Variants in TVP23C observed in about 807,000 individuals in gnomAD.
The protein encoded by TVP23C is trans-golgi network vesicle protein 23 homolog C, also known as Golgi apparatus membrane protein TVP23 homolog C.
In TVP23C, 19 loss-of-function variants were observed where a neutral mutation model predicts 28.7. The ratio of observed to expected loss-of-function variants is 0.66; its 90% CI spans 0.46 to 0.97. TVP23C has a LOEUF of 0.97. Among genes scored for constraint, TVP23C ranks in the 50% least tolerant of loss-of-function variants. The pLI is 0.00. For synonymous variants in TVP23C, 68 were observed against 81.7 expected (o/e 0.83, Z 0.90); for missense variants, 186 against 241.3 (o/e 0.77, Z 1.52).
chr17:15,533,419 T>C (rs1015137727), downstream of TVP23C, among the ~76,000 whole-genome samples: 17 of 152,252 alleles, frequency 1.1e-4, no homozygotes, highest in African/African-American at 3.9e-4. Flanking sequence ...CCACTAGTGA[T>C]AGTTTTTAAA....
In TVP23C at chr17:15,509,132, C is replaced by T. The variant is rs369558629; in HGVS notation, c.463-5900G>A. ...TGGCGGCCAAAGTCCTGGCCCACAGCGCCTGTCTGTCATTCTCTGATCTGG... is the reference window on the plus strand; with the variant it reads ...TGGCGGCCAAAGTCCTGGCCCACAGTGCCTGTCTGTCATTCTCTGATCTGG... On this transcript the variant is annotated intron_variant, in intron 5 of 5. Transcript: ENST00000225576. 1.4e-4 allele frequency among the ~76,000 whole-genome samples: 22 copies of T among 152,346 alleles called. No homozygotes were observed. The East Asian group carries it at 2.1e-3, about 15-fold the overall frequency.
chr17:15,518,310 T>C (rs12709321), intron 5 of TVP23C, among the ~76,000 whole-genome samples: 115,800 of 152,028 alleles, frequency 0.76, 44,885 homozygotes, highest in Middle Eastern at 0.89. Flanking sequence ...TGTCCCAAAC[T>C]CTACCCTATA....
rs1361594437 is a variant in TVP23C, at chr17:15,558,303, C to T, written c.13-2939G>A. Among the ~76,000 whole-genome samples the T allele has an allele frequency of 3.5e-5, 5 of 142,596 alleles. 1 individual carries two copies. Among genetic ancestry groups the T allele is most frequent in the Non-Finnish European group, 7.8e-5 (5 of 64,040 alleles). The allele number at this position is 142,596 out of a possible 152,430, so 93.5% of individuals were successfully genotyped here. The stretch of plus-strand genomic sequence containing the variant: ...GCACTATGACTGAAAAACAGACTCC[C>T]TATCATGACCTATCATGATCTGGTC... On this transcript the variant is annotated intron_variant, in intron 1 of 5. Transcript: ENST00000518321.
At position 15,538,415 on chromosome 17, in the gene TVP23C, C is replaced by G; in HGVS notation, c.*1997G>C. 1.3e-6 allele frequency: 1 copy of G among 759,920 alleles called. No individual in the cohort carries two copies. The highest frequency in any genetic ancestry group is 1.6e-6 in the Non-Finnish European group (1 of 624,806). 47.1% of individuals were successfully genotyped at this position (759,920 alleles called of 1,614,324 possible). ...ACCCTCCTGGCTAACACAGTGAAACCCCGTCTCTACTAAAAATACAAAAAA... is the reference window on the plus strand; with the variant it reads ...ACCCTCCTGGCTAACACAGTGAAACGCCGTCTCTACTAAAAATACAAAAAA... On this transcript the variant is annotated 3_prime_UTR_variant, in exon 6 of 6. Transcript: ENST00000518321.
chr17:15,563,181 C>T (rs1170314966), intron 1 of TVP23C: 8 of 567,428 alleles, frequency 1.4e-5, no homozygotes, highest in South Asian at 5.6e-5. Context: ...GACCCCCACT[C>T]GCGCTGGTTA....
At chr17:15,561,272 G>A (rs965462829) in intron 1 of TVP23C, among the ~76,000 whole-genome samples, 2 of 152,154 alleles carry the variant, frequency 1.3e-5, no homozygotes, top group Non-Finnish European at 1.5e-5. Context: ...AGCACTAAGG[G>A]CTCGACTGAG....
intron 5 of TVP23C, among the ~76,000 whole-genome samples, chr17:15,521,565 T>A (rs1253668741): frequency 2.0e-5 from 3 of 152,166 alleles, no homozygotes; most frequent in Non-Finnish European, 2.9e-5. Context: ...GGTATAGGGA[T>A]ATTCAAATAG....
At chr17:15,523,540 C>G (rs1174123197) in intron 5 of TVP23C, among the ~76,000 whole-genome samples, 2 of 151,340 alleles carry the variant, frequency 1.3e-5, no homozygotes, top group Admixed American at 6.6e-5. Flanking sequence ...AACTCTTGAC[C>G]TCAGGTGATC....
chr17:15,514,001 C>T (rs1348626279), intron 5 of TVP23C, among the ~76,000 whole-genome samples: 1 of 152,206 alleles, frequency 6.6e-6, no homozygotes, highest in Non-Finnish European at 1.5e-5. Context: ...GGGCCTGTCA[C>T]TAACCAGAAA....
chr17:15,525,396 T>C (rs1459722307), intron 5 of TVP23C, among the ~76,000 whole-genome samples: 1 of 152,236 alleles, frequency 6.6e-6, no homozygotes, highest in African/African-American at 2.4e-5. Flanking sequence ...TTGTTTGCTT[T>C]GAAGCTATTT....
intron 5 of TVP23C, among the ~76,000 whole-genome samples, chr17:15,511,529 A>G (rs1252922038): frequency 3.3e-5 from 5 of 152,220 alleles, no homozygotes; most frequent in Non-Finnish European, 7.3e-5. Flanking sequence ...TTAAAGTACT[A>G]GTAGAGTTTC....
chr17:15,548,633 T>C (rs1983751130), intron 3 of TVP23C, among the ~76,000 whole-genome samples: 1 of 152,246 alleles, frequency 6.6e-6, no homozygotes, highest in Non-Finnish European at 1.5e-5. Context: ...TATCTTAACA[T>C]ATTGTTTATG....
At chr17:15,526,588 A>G (rs1396797632) in intron 5 of TVP23C, among the ~76,000 whole-genome samples, 2 of 152,208 alleles carry the variant, frequency 1.3e-5, no homozygotes, top group African/African-American at 2.4e-5. Flanking sequence ...CTAATTTCAC[A>G]ATAAGATGCA....
chr17:15,551,308 A>G (rs1300338599), intron 3 of TVP23C, among the ~76,000 whole-genome samples: 1 of 136,754 alleles, frequency 7.3e-6, no homozygotes, highest in East Asian at 2.1e-4. Flanking sequence ...GGGTTTCACC[A>G]TGTTAGCCAG....
chr17:15,519,036 G>A (rs906602144), intron 5 of TVP23C, among the ~76,000 whole-genome samples: 1 of 152,012 alleles, frequency 6.6e-6, no homozygotes, highest in African/African-American at 2.4e-5. Context: ...CATGTTAAAT[G>A]TGCCTTGCTT....
chr17:15,524,761 T>C (rs1167079681), intron 5 of TVP23C, among the ~76,000 whole-genome samples: 2 of 152,160 alleles, frequency 1.3e-5, no homozygotes, highest in African/African-American at 4.8e-5. Context: ...AACACTCTTA[T>C]CTAACCCTGG....
In TVP23C at chr17:15,538,832, G is replaced by C. The variant is rs1203851268; in HGVS notation, c.*1580C>G. ...AAACCTAATAAGCACATACATGAAAGTTACCCTAAGGTGGACCACAGTAAA... is the reference window on the plus strand; with the variant it reads ...AAACCTAATAAGCACATACATGAAACTTACCCTAAGGTGGACCACAGTAAA... On this transcript the variant is annotated 3_prime_UTR_variant, in exon 6 of 6. Coordinates refer to ENST00000518321, the MANE Select transcript of TVP23C (RefSeq NM_001135036.2). 1.0e-6 allele frequency: 1 copy of C among 985,660 alleles called. No individual in the cohort carries two copies. The highest frequency in any genetic ancestry group is 6.2e-5 in the Admixed American group (1 of 16,248). The allele number at this position is 985,660 out of a possible 1,614,324, so 61.1% of individuals were successfully genotyped here. A position where few individuals can be genotyped will look rare whatever the true frequency, so the allele number is the denominator to read the frequency against.
chr17:15,502,759 T>C (rs1251615366), exon 6 of TVP23C: 7 of 1,399,762 alleles, frequency 5.0e-6, no homozygotes, highest in Non-Finnish European at 5.6e-6. Context: ...CGTCTCTTTC[T>C]CTCCTTCTCC....
In TVP23C at chr17:15,546,630, A is replaced by T. The variant is rs200916102; in HGVS notation, c.330+429T>A. The stretch of plus-strand genomic sequence containing the variant: ...CAGAAGCTTAGGAATAGAGTGCTCC[A>T]ATCAGATATTCTATCCAGCTGCACT... On this transcript the variant is annotated intron_variant, in intron 4 of 5. Coordinates refer to ENST00000518321, the MANE Select transcript of TVP23C (RefSeq NM_001135036.2). 2.8e-5 allele frequency among the ~76,000 whole-genome samples: 4 copies of T among 141,028 alleles called. No homozygotes were observed. In the Admixed American group the frequency reaches 2.9e-4, roughly 10 times the overall value. The allele number at this position is 141,028 out of a possible 152,430, so 92.5% of individuals were successfully genotyped here. A position where few individuals can be genotyped will look rare whatever the true frequency, so the allele number is the denominator to read the frequency against.
Sources: gnomAD v4.1 joint callset for allele counts (sites outside exome capture counted in the v4.1 genomes callset) on GRCh38, gnomAD v4.1.1 for gene constraint, MANE v1.5 for transcripts, NCBI Gene and HGNC (gene_info 2026-07-23, HGNC 2026-07-21) for gene names.